The following CADPS variants were observed in gnomAD, a reference collection of about 807,000 sequenced individuals.
CADPS encodes the protein calcium-dependent secretion activator 1.
CADPS carries 57 observed loss-of-function variants against 167.3 expected under a neutral mutation model. The ratio of observed to expected loss-of-function variants is 0.34; its 90% CI spans 0.28 to 0.42. The LOEUF is 0.42. CADPS is among the 20% of genes least tolerant of loss of function. CADPS has a pLI of 1.00. For missense variants in CADPS, 1,414 were observed against 1,738.1 expected (o/e 0.81, Z 3.32); for synonymous variants, 676 against 635.3 (o/e 1.06, Z -0.96).
At chr3:62,546,991 G>C (rs1276907296) in intron 11 of CADPS, among the ~76,000 whole-genome samples, 2 of 152,068 alleles carry the variant, frequency 1.3e-5, no homozygotes, top group Non-Finnish European at 2.9e-5. Flanking sequence ...TAAAATTCCT[G>C]GTTCCTTTCT....
chr3:62,852,443 G>A (rs906688449), intron 1 of CADPS, among the ~76,000 whole-genome samples: 1 of 152,108 alleles, frequency 6.6e-6, no homozygotes, highest in South Asian at 2.1e-4. Context: ...CATTTTCTTT[G>A]AGATTACTTT....
At chr3:62,634,409 A>T (rs868782878) in intron 6 of CADPS, among the ~76,000 whole-genome samples, 1 of 152,204 alleles carries the variant, frequency 6.6e-6, no homozygotes, top group African/African-American at 2.4e-5. Flanking sequence ...ATATTTTTGT[A>T]GTTCCACTAA....
intron 12 of CADPS, among the ~76,000 whole-genome samples, chr3:62,533,592 T>G (rs973674902): frequency 6.6e-6 from 1 of 152,186 alleles, no homozygotes; most frequent in Non-Finnish European, 1.5e-5. Flanking sequence ...GTTAAGTGAC[T>G]CACACAGATA....
At chr3:62,583,855 T>A (rs2083990500) in intron 8 of CADPS, among the ~76,000 whole-genome samples, 1 of 152,054 alleles carries the variant, frequency 6.6e-6, no homozygotes, top group Non-Finnish European at 1.5e-5. Flanking sequence ...GCTGCTGTGG[T>A]CTGCTCATCT....
rs2149426849 is a variant in CADPS at position 62,421,384 on chromosome 3, T to C, written c.3777+16720A>G. On this transcript the variant is annotated intron_variant, in intron 28 of 29. Transcript: ENST00000383710. This position sits in a 1 kb window ranked among gnomAD's most constrained non-coding sequence, Gnocchi z 4.7. ...AATGGGGCAAACCTCCTAAGTTGAA[T>C]GGAGTGTCTTTTGGGACCAATTTGT... is the stretch of plus-strand genomic sequence containing the variant. Among the ~76,000 whole-genome samples, 1 of 152,316 alleles carries C rather than the reference T, an allele frequency of 6.6e-6. No homozygotes were observed. Among genetic ancestry groups the C allele is most frequent in the South Asian group, 2.1e-4 (1 of 4,828 alleles).
In CADPS at chr3:62,502,413, T is replaced by C. The variant is rs185545257; in HGVS notation, c.2600-3145A>G. ...TGATAAAATGGAACTAAAAATATAG[T>C]ATACTTAAGAACCATTTCATACAAT... On this transcript the variant is annotated intron_variant, in intron 17 of 29. Transcript: ENST00000383710. 1.5e-3 allele frequency among the ~76,000 whole-genome samples: 231 copies of C among 152,254 alleles called. 1 individual carries two copies. The highest frequency in any genetic ancestry group is 5.4e-3 in the African/African-American group (223 of 41,552).
chr3:62,741,896 T>A (rs538508141), intron 3 of CADPS, among the ~76,000 whole-genome samples: 2 of 152,204 alleles, frequency 1.3e-5, no homozygotes, highest in African/African-American at 4.8e-5. Context: ...AGCCCAGAAG[T>A]TTCTTAAGCT....
chr3:62,845,617 G>C (rs974513992), intron 1 of CADPS, among the ~76,000 whole-genome samples: 1 of 152,116 alleles, frequency 6.6e-6, no homozygotes, highest in Admixed American at 6.5e-5. Context: ...ATTCTCTGTT[G>C]CCCTGAAGGT....
At chr3:62,592,788 C>A (rs752537161) in intron 6 of CADPS, 40 bp from the exon 7 acceptor site, 3 of 1,437,866 alleles carry the variant, frequency 2.1e-6, no homozygotes, top group Admixed American at 3.4e-5. Context: ...GACATATCTG[C>A]CTTGATGAGT....
intron 7 of CADPS, among the ~76,000 whole-genome samples, chr3:62,586,245 T>A (rs1264472232): frequency 6.6e-6 from 1 of 152,194 alleles, no homozygotes; most frequent in Non-Finnish European, 1.5e-5. Context: ...CACGCCCTGG[T>A]TTGTGGCACA....
chr3:62,543,357 T>G (rs1395097365), intron 11 of CADPS, among the ~76,000 whole-genome samples: 1 of 152,216 alleles, frequency 6.6e-6, no homozygotes, highest in Non-Finnish European at 1.5e-5. Flanking sequence ...TTTAAAAATC[T>G]ACTAGGATAG....
At chr3:62,488,992 T>C (rs2063263847) in intron 21 of CADPS, among the ~76,000 whole-genome samples, 1 of 152,200 alleles carries the variant, frequency 6.6e-6, no homozygotes, top group Non-Finnish European at 1.5e-5. Context: ...GACCTTTAAA[T>C]TGCCCATGCA....
Position 62,549,976 on chromosome 3 carries a change from G to A in CADPS, c.1893C>T (p.Pro631=). 1 of 1,614,036 alleles carries A rather than the reference G, an allele frequency of 6.2e-7. No homozygotes were observed. Among genetic ancestry groups the A allele is most frequent in the Non-Finnish European group, 8.5e-7 (1 of 1,179,966 alleles). ...RATGQSHKPV[P]PTQVQKLNAK... is the part of the protein sequence containing the mutation. ...CGTTGAGTTTCTGGACTTGGGTCGGGGGCACAGGCTTGTGTGACTGCCCCG... is the reference window on the plus strand; with the variant it reads ...CGTTGAGTTTCTGGACTTGGGTCGGAGGCACAGGCTTGTGTGACTGCCCCG... The change falls in exon 11 of 30, where the codon CCC becomes CCT. Residue 631 remains proline (P), a synonymous_variant. Coordinates refer to ENST00000383710, the MANE Select transcript of CADPS (RefSeq NM_003716.4).
intron 17 of CADPS, among the ~76,000 whole-genome samples, chr3:62,503,052 C>A (rs1379345698): frequency 7.2e-6 from 1 of 139,198 alleles, no homozygotes; most frequent in Non-Finnish European, 1.6e-5. Flanking sequence ...TCACCAGCAA[C>A]CCCCACCCAC....
At chr3:62,807,917 A>T (rs1400895301) in intron 1 of CADPS, among the ~76,000 whole-genome samples, 1 of 151,900 alleles carries the variant, frequency 6.6e-6, no homozygotes, top group African/African-American at 2.4e-5. Flanking sequence ...ACTGTTGCCC[A>T]GGTTGGAGTG....
At chr3:62,730,289 C>T (rs1020727899) in intron 3 of CADPS, among the ~76,000 whole-genome samples, 2 of 152,180 alleles carry the variant, frequency 1.3e-5, no homozygotes, top group Non-Finnish European at 2.9e-5. Context: ...TGCCTGGGGA[C>T]ATTTTGGTTG....
At chr3:62,689,791 G>A (rs958126636) in intron 3 of CADPS, among the ~76,000 whole-genome samples, 1 of 152,014 alleles carries the variant, frequency 6.6e-6, no homozygotes, top group African/African-American at 2.4e-5. Flanking sequence ...CTTGAGGCAA[G>A]TGGAAAAGCT....
intron 1 of CADPS, among the ~76,000 whole-genome samples, chr3:62,816,152 G>A (rs2094600511): frequency 6.6e-6 from 1 of 152,088 alleles, no homozygotes; most frequent in South Asian, 2.1e-4. Flanking sequence ...AAGAAATATT[G>A]TTATGGCCAA....
chr3:62,650,149 C>T (rs1485287928), intron 5 of CADPS, among the ~76,000 whole-genome samples: 1 of 152,074 alleles, frequency 6.6e-6, no homozygotes, highest in Admixed American at 6.6e-5. Context: ...TCAGAAAATG[C>T]TAACCTATTT....
Sources: gnomAD v4.1 joint callset for allele counts (sites outside exome capture counted in the v4.1 genomes callset) on GRCh38, gnomAD v4.1.1 for gene constraint, Gnocchi (gnomAD v3.1) non-coding constraint, MANE v1.5 for transcripts, NCBI Gene and HGNC (gene_info 2026-07-23, HGNC 2026-07-21) for gene names.